PUDP: variants seen among roughly 807,000 people sequenced by gnomAD.
PUDP encodes the protein pseudouridine-5'-phosphatase.
Under a neutral mutation model 9.4 loss-of-function variants are expected in PUDP, and 8 were observed. The observed-to-expected ratio is 0.85, with a 90% CI of 0.50 to 1.53. The LOEUF (loss-of-function observed/expected upper bound fraction) is 1.53. Among genes scored for constraint, PUDP ranks in the 40% most tolerant of loss-of-function variants. The pLI is 0.00. For missense variants in PUDP, 188 were observed against 189.7 expected (o/e 0.99, Z 0.05); for synonymous variants, 99 against 80.7 (o/e 1.23, Z -1.22).
rs5989494 is a variant in PUDP, at chrX:6,736,657, A to C, written c.*248-30191T>G. 8.5e-3 allele frequency among the ~76,000 whole-genome samples: 950 copies of C among 111,960 alleles called. 7 individuals are homozygous for C. The highest frequency in any genetic ancestry group is 0.028 in the African/African-American group (871 of 30,825). ...AAAGCATGGTTCATATGCACCCTGG[A>C]ATACTATGCGTCCATAAAAAAGGAT... is the stretch of plus-strand genomic sequence containing the variant. On this transcript the variant is annotated intron_variant and NMD_transcript_variant, in intron 3 of 3. Transcript: ENST00000655425.
chrX:6,831,873 CA>C (rs1006807936), intron 3 of PUDP, among the ~76,000 whole-genome samples: 8 of 111,449 alleles, frequency 7.2e-5, no homozygotes, highest in African/African-American at 2.6e-4. Flanking sequence ...AATCATATGG[CA>C]AAAGACAGAA....
chrX:7,108,123 G>T (rs963407370), intron 1 of PUDP, among the ~76,000 whole-genome samples: 1 of 112,713 alleles, frequency 8.9e-6, no homozygotes, highest in African/African-American at 3.2e-5. Context: ...CTGCTGTCTT[G>T]AGAAAAAGTT....
At chrX:6,795,876 A>G (rs1925836163) in intron 3 of PUDP, among the ~76,000 whole-genome samples, 1 of 112,097 alleles carries the variant, frequency 8.9e-6, no homozygotes, top group Non-Finnish European at 1.9e-5. Context: ...AAGCTGTGAT[A>G]TAATGATTCT....
At chrX:6,925,934 G>A (rs1928094890) in intron 3 of PUDP, among the ~76,000 whole-genome samples, 1 of 111,728 alleles carries the variant, frequency 9.0e-6, no homozygotes, top group Non-Finnish European at 1.9e-5. Context: ...CTTAGGTCCT[G>A]TTGATAATTT....
chrX:7,136,770 C>G (rs1932752405), intron 1 of PUDP, among the ~76,000 whole-genome samples: 1 of 92,698 alleles, frequency 1.1e-5, no homozygotes, highest in Non-Finnish European at 2.1e-5. Flanking sequence ...TTTTACTGGT[C>G]CCGGTCCCTA....
At chrX:6,710,122 A>G (rs1219320434) in intron 1 of PUDP, among the ~76,000 whole-genome samples, 2 of 112,044 alleles carry the variant, frequency 1.8e-5, no homozygotes, top group African/African-American at 3.2e-5. Context: ...GAACCTGTCC[A>G]AAAACAACAA....
chrX:7,002,198 G>C (rs892863272), intron 1 of PUDP, among the ~76,000 whole-genome samples: 2 of 111,924 alleles, frequency 1.8e-5, no homozygotes, highest in African/African-American at 3.2e-5. Flanking sequence ...CATATGGAAA[G>C]ATGTTCAATC....
intron 3 of PUDP, among the ~76,000 whole-genome samples, chrX:6,784,901 A>T (rs1032071593): frequency 8.9e-6 from 1 of 112,115 alleles, no homozygotes; most frequent in African/African-American, 3.2e-5. Flanking sequence ...AATTGCATAC[A>T]CCATAATGCA....
intron 3 of PUDP, among the ~76,000 whole-genome samples, chrX:6,956,507 A>C (rs1443667926): frequency 9.0e-6 from 1 of 111,342 alleles, no homozygotes; most frequent in Non-Finnish European, 1.9e-5. Context: ...GGGAGGGGAA[A>C]ATGCCCAAAA....
chrX:6,763,102 A>T (rs1263901137), intron 3 of PUDP, among the ~76,000 whole-genome samples: 1 of 112,439 alleles, frequency 8.9e-6, no homozygotes, highest in East Asian at 2.8e-4. Flanking sequence ...ACAAAATAAT[A>T]TTTCAGGGAG....
intron 1 of PUDP, among the ~76,000 whole-genome samples, chrX:7,106,240 G>A (rs749301732): frequency 1.8e-5 from 2 of 112,769 alleles, no homozygotes; most frequent in Non-Finnish European, 3.7e-5. Context: ...CCACTGCATG[G>A]CCCACTAGTA....
intron 3 of PUDP, among the ~76,000 whole-genome samples, chrX:6,860,096 G>C (rs959313203): frequency 9.0e-6 from 1 of 111,620 alleles, no homozygotes; most frequent in Non-Finnish European, 1.9e-5. Flanking sequence ...TCAGAGAGTG[G>C]TTGAGCCAGG....
At chrX:6,938,626 A>AT (rs1245873100) in intron 3 of PUDP, among the ~76,000 whole-genome samples, 2 of 51,016 alleles carry the variant, frequency 3.9e-5, no homozygotes, top group Non-Finnish European at 7.3e-5. Context: ...TAGAACTTAA[A>AT]TTAAAAAAAA....
chrX:6,998,331 C>T (rs1381782050), intron 1 of PUDP, among the ~76,000 whole-genome samples: 1 of 111,537 alleles, frequency 9.0e-6, no homozygotes, highest in Non-Finnish European at 1.9e-5. Context: ...AAACAAGCTT[C>T]AAAGGAGACT....
At chrX:6,777,915 T>A (rs1419264119) in intron 3 of PUDP, among the ~76,000 whole-genome samples, 1 of 112,203 alleles carries the variant, frequency 8.9e-6, no homozygotes, top group Non-Finnish European at 1.9e-5. Context: ...CTGTCTGAAT[T>A]AGGAAAATTT....
chrX:6,860,514 A>T (rs1334389962), intron 3 of PUDP, among the ~76,000 whole-genome samples: 2 of 105,495 alleles, frequency 1.9e-5, no homozygotes, highest in African/African-American at 6.8e-5. Context: ...TCTGTTGGCC[A>T]GGCTGGAGTG....
intron 2 of PUDP, among the ~76,000 whole-genome samples, chrX:7,094,651 C>T (rs769271776): frequency 6.3e-5 from 7 of 111,314 alleles, no homozygotes; most frequent in African/African-American, 2.0e-4. Context: ...TGAGCCACCG[C>T]GCCTGGCCAA....
At chrX:6,974,300 CAT>C (rs1218559234) in intron 3 of PUDP, among the ~76,000 whole-genome samples, 2 of 112,064 alleles carry the variant, frequency 1.8e-5, no homozygotes, top group Non-Finnish European at 3.8e-5. Flanking sequence ...GCAGTTTCTT[CAT>C]AGTGTCAATG....
chrX:6,869,319 T>A (rs1392242101), intron 3 of PUDP, among the ~76,000 whole-genome samples: 5 of 112,114 alleles, frequency 4.5e-5, no homozygotes, highest in African/African-American at 1.6e-4. Context: ...TGCTCCATGA[T>A]GTCTACGGCC....
Sources: gnomAD v4.1 joint callset for allele counts (sites outside exome capture counted in the v4.1 genomes callset) on GRCh38, gnomAD v4.1.1 for gene constraint, MANE v1.5 for transcripts, NCBI Gene and HGNC (gene_info 2026-07-23, HGNC 2026-07-21) for gene names.